CAB39L: variants seen among roughly 807,000 people sequenced by gnomAD.
CAB39L encodes the protein calcium binding protein 39 like, also known as calcium-binding protein 39-like.
Under a neutral mutation model 39.1 loss-of-function variants are expected in CAB39L, and 23 were observed. That is an observed-to-expected ratio of 0.59 (90% CI 0.42 to 0.83). CAB39L has a LOEUF of 0.83. Among genes scored for constraint, CAB39L ranks in the 40% least tolerant of loss-of-function variants. The probability of loss-of-function intolerance (pLI) is 0.00; values close to 1 mark genes in which losing one functional copy is unlikely to be tolerated. For synonymous variants in CAB39L, 126 were observed against 137.2 expected, an observed-to-expected ratio of 0.92 and a Z score of 0.57; for missense variants, 366 against 391.9, an observed-to-expected ratio of 0.93 and a Z score of 0.56.
At chr13:49,424,812 T>C (rs1425565574) in intron 3 of CAB39L, among the ~76,000 whole-genome samples, 1 of 152,152 alleles carries the variant, frequency 6.6e-6, no homozygotes, top group African/African-American at 2.4e-5. Flanking sequence ...GAATATATTA[T>C]GGAATAAATA....
intron 3 of CAB39L, among the ~76,000 whole-genome samples, chr13:49,388,113 T>G (rs941043079): frequency 6.6e-6 from 1 of 151,576 alleles, no homozygotes; most frequent in African/African-American, 2.4e-5. Flanking sequence ...AGATATAGAG[T>G]GTGTATGGAT....
chr13:49,388,829 G>A (rs7336096), intron 3 of CAB39L, among the ~76,000 whole-genome samples: 82,670 of 151,844 alleles, frequency 0.54, 23,881 homozygotes, highest in African/African-American at 0.72. Context: ...TGGAAATAAT[G>A]ATAGAAGTAG....
chr13:49,312,783 C>T (rs908891246), intron 10 of CAB39L, among the ~76,000 whole-genome samples: 1 of 152,178 alleles, frequency 6.6e-6, no homozygotes, highest in African/African-American at 2.4e-5. Flanking sequence ...TTGTTCTTAA[C>T]TATAAAATCT....
intron 7 of CAB39L, among the ~76,000 whole-genome samples, chr13:49,349,680 C>T (rs1020342324): frequency 1.3e-5 from 2 of 151,786 alleles, no homozygotes; most frequent in African/African-American, 2.4e-5. Flanking sequence ...ATTATCCCTC[C>T]CCAAATAATT....
chr13:49,327,492 C>T (rs1334231737), intron 10 of CAB39L, among the ~76,000 whole-genome samples: 3 of 152,096 alleles, frequency 2.0e-5, no homozygotes, highest in East Asian at 3.9e-4. Flanking sequence ...TTAGTAGGGA[C>T]TGGGTTTTGC....
At chr13:49,327,640 G>A (rs1378095653) in intron 10 of CAB39L, among the ~76,000 whole-genome samples, 1 of 152,092 alleles carries the variant, frequency 6.6e-6, no homozygotes, top group Non-Finnish European at 1.5e-5. Flanking sequence ...GCATATATAT[G>A]AATCCACACT....
intron 5 of CAB39L, 133 bp downstream of exon 5, chr13:49,376,834 G>T: frequency 1.4e-6 from 1 of 704,416 alleles, no homozygotes; most frequent in Non-Finnish European, 2.2e-6. Flanking sequence ...AGACATTTTA[G>T]AAAAAACTTT....
In CAB39L at chr13:49,345,581, T is replaced by C. The variant is rs74682685; in HGVS notation, c.565-1343A>G. On this transcript the variant is annotated intron_variant, in intron 7 of 10. Transcript: ENST00000409308. Reference sequence around the variant, plus strand: ...TCAGGGGACCCTTGAAAGAGTAAGGTAGTTCCACAAGATCCTTTGAGGTCC... The same window carrying C: ...TCAGGGGACCCTTGAAAGAGTAAGGCAGTTCCACAAGATCCTTTGAGGTCC... Among the ~76,000 whole-genome samples, 476 of 152,218 alleles carry C rather than the reference T, an allele frequency of 3.1e-3. 3 individuals carry two copies. The highest frequency in any genetic ancestry group is 0.011 in the African/African-American group (445 of 41,526).
intron 3 of CAB39L, among the ~76,000 whole-genome samples, chr13:49,415,815 C>T (rs1015216880): frequency 7.9e-5 from 12 of 152,118 alleles, no homozygotes; most frequent in Admixed American, 6.5e-4. Context: ...AGGCACTCAA[C>T]AAATATTTGT....
At chr13:49,363,390 G>A (rs1955683956) in intron 5 of CAB39L, among the ~76,000 whole-genome samples, 1 of 152,092 alleles carries the variant, frequency 6.6e-6, no homozygotes, top group Admixed American at 6.6e-5. Flanking sequence ...TTTTCTTTCT[G>A]TGCATTTCTT....
At chr13:49,367,907 G>A (rs1358155568) in intron 5 of CAB39L, among the ~76,000 whole-genome samples, 2 of 150,184 alleles carry the variant, frequency 1.3e-5, no homozygotes, top group Non-Finnish European at 3.0e-5. Context: ...CTCTAGCCTG[G>A]GTGACAGCGT....
Position 49,443,968 on chromosome 13 carries a change from T to C in CAB39L, c.-246+18A>G, listed in dbSNP as rs1957599316. 2.2e-6 allele frequency: 1 copy of C among 456,592 alleles called. No homozygotes were observed. Among genetic ancestry groups the C allele is most frequent in the South Asian group, 1.5e-5 (1 of 64,556 alleles). The allele number at this position is 456,592 out of a possible 1,614,324, so 28.3% of individuals were successfully genotyped here. A position where few individuals can be genotyped will look rare whatever the true frequency, so the allele number is the denominator to read the frequency against. On this transcript the variant is annotated intron_variant, in intron 1 of 10. Transcript: ENST00000409308. The stretch of plus-strand genomic sequence containing the variant: ...AGCCCAGTCCCAGCCACACACAAGA[T>C]GGCAGCCTCACACCTACCGGAGGAA...
chr13:49,344,322 T>C (rs1430156220), intron 7 of CAB39L, 84 bp from the exon 8 acceptor site: 1 of 773,970 alleles, frequency 1.3e-6, no homozygotes, highest in Non-Finnish European at 2.2e-6. Flanking sequence ...TAAGAACATA[T>C]AAAAGTTGCA....
At chr13:49,349,055 T>C (rs1460486520) in intron 7 of CAB39L, among the ~76,000 whole-genome samples, 1 of 152,178 alleles carries the variant, frequency 6.6e-6, no homozygotes, top group Non-Finnish European at 1.5e-5. Flanking sequence ...TTTCAACAGA[T>C]TTATGGCACC....
intron 3 of CAB39L, among the ~76,000 whole-genome samples, chr13:49,398,759 G>C (rs1308387512): frequency 1.3e-5 from 2 of 151,966 alleles, no homozygotes; most frequent in African/African-American, 4.8e-5. Context: ...AGTTAACTTG[G>C]ATAGACCCAA....
At chr13:49,314,678 G>T (rs1168462763) in intron 10 of CAB39L, among the ~76,000 whole-genome samples, 2 of 152,186 alleles carry the variant, frequency 1.3e-5, no homozygotes, top group African/African-American at 4.8e-5. Flanking sequence ...ATGGTTAACA[G>T]CGCAGATTCA....
intron 3 of CAB39L, among the ~76,000 whole-genome samples, chr13:49,384,145 G>T (rs1956306051): frequency 6.6e-6 from 1 of 152,216 alleles, no homozygotes; most frequent in Non-Finnish European, 1.5e-5. Context: ...ACCTGCCACT[G>T]CTTTATCAGC....
chr13:49,365,016 G>A (rs1232559697), intron 5 of CAB39L, among the ~76,000 whole-genome samples: 1 of 151,990 alleles, frequency 6.6e-6, no homozygotes, highest in African/African-American at 2.4e-5. Flanking sequence ...GAACAAAACT[G>A]AAGAAATCAC....
intron 1 of CAB39L, among the ~76,000 whole-genome samples, chr13:49,436,547 TTA>T (rs1957418187): frequency 1.4e-5 from 2 of 146,798 alleles, no homozygotes; most frequent in South Asian, 4.2e-4. Flanking sequence ...ATTTCTTTCT[TTA>T]TGACTTTTTT....
Sources: allele counts gnomAD v4.1 joint callset (sites outside exome capture counted in the v4.1 genomes callset), GRCh38; gene constraint gnomAD v4.1.1; transcripts MANE v1.5; gene names NCBI Gene and HGNC (gene_info 2026-07-23, HGNC 2026-07-21).